The following CTNND2 variants were observed in gnomAD, a reference collection of about 807,000 sequenced individuals.
The protein encoded by CTNND2 is catenin delta-2.
A neutral mutation model predicts 144.4 loss-of-function variants in CTNND2; 22 were observed. The ratio of observed to expected loss-of-function variants is 0.15; its 90% CI spans 0.11 to 0.22. The LOEUF is 0.22. Ranked by LOEUF, CTNND2 falls within the 10% of genes least tolerant of loss-of-function variation. The pLI, the probability that CTNND2 is intolerant of heterozygous loss-of-function variation, is 1.00. For synonymous variants in CTNND2, 751 were observed against 695.6 expected, an observed-to-expected ratio of 1.08 and a Z score of -1.25; for missense variants, 1,353 against 1,618.8, an observed-to-expected ratio of 0.84 and a Z score of 2.82.
chr5:11,586,260 C>T (rs73051994), intron 2 of CTNND2, among the ~76,000 whole-genome samples: 1,757 of 152,232 alleles, frequency 0.012, 43 homozygotes, highest in African/African-American at 0.04. Flanking sequence ...TCCTTGGCCA[C>T]GACACCAGCA....
intron 1 of CTNND2, among the ~76,000 whole-genome samples, chr5:11,886,270 C>G (rs1736524737): frequency 6.6e-6 from 1 of 151,866 alleles, no homozygotes; most frequent in Non-Finnish European, 1.5e-5. Context: ...TTTTGCTAGA[C>G]TAAACAAGAT....
intron 1 of CTNND2, among the ~76,000 whole-genome samples, chr5:11,738,849 A>G (rs1561749146): frequency 1.3e-5 from 2 of 151,924 alleles, no homozygotes; most frequent in African/African-American, 2.4e-5. Flanking sequence ...TCCCCTCTCT[A>G]TAAGCCATGA....
At chr5:11,141,030 A>G (rs553701989) in intron 12 of CTNND2, among the ~76,000 whole-genome samples, 232 of 152,166 alleles carry the variant, frequency 1.5e-3, no homozygotes, top group African/African-American at 5.3e-3. Context: ...TCAGGGCTCA[A>G]TGCAGCCTCT....
intron 1 of CTNND2, among the ~76,000 whole-genome samples, chr5:11,839,873 C>T (rs1304225948): frequency 1.3e-5 from 2 of 152,080 alleles, no homozygotes; most frequent in African/African-American, 4.8e-5. Context: ...CTGCTGCATC[C>T]TATTTGCTAG....
intron 3 of CTNND2, among the ~76,000 whole-genome samples, chr5:11,420,574 G>T (rs1762287818): frequency 6.6e-6 from 1 of 152,146 alleles, no homozygotes; most frequent in East Asian, 1.9e-4. Flanking sequence ...ACTGAGCTCG[G>T]CTTTAGGCCG....
intron 16 of CTNND2, among the ~76,000 whole-genome samples, chr5:11,059,000 C>A (rs978780588): frequency 6.6e-5 from 10 of 152,188 alleles, no homozygotes; most frequent in Admixed American, 1.3e-4. Context: ...CCCATTGTAT[C>A]TAGGAAGTAA....
intron 1 of CTNND2, among the ~76,000 whole-genome samples, chr5:11,834,632 A>T (rs1382673096): frequency 6.6e-6 from 1 of 152,244 alleles, no homozygotes; most frequent in Non-Finnish European, 1.5e-5. Flanking sequence ...CTGAATACAC[A>T]AACACCTATA....
At chr5:11,865,571 G>A (rs1423636754) in intron 1 of CTNND2, among the ~76,000 whole-genome samples, 2 of 152,088 alleles carry the variant, frequency 1.3e-5, no homozygotes, top group Non-Finnish European at 2.9e-5. Flanking sequence ...TTCTAAGTTG[G>A]ATCAGTGTGG....
At chr5:11,736,395 G>A (rs1477943866) in intron 1 of CTNND2, among the ~76,000 whole-genome samples, 1 of 152,192 alleles carries the variant, frequency 6.6e-6, no homozygotes, top group African/African-American at 2.4e-5. Flanking sequence ...CCACCGTACA[G>A]AGCTACCGCT....
intron 11 of CTNND2, among the ~76,000 whole-genome samples, chr5:11,174,203 A>T (rs921707528): frequency 2.6e-5 from 4 of 152,200 alleles, no homozygotes; most frequent in African/African-American, 9.7e-5. Context: ...CCAATCAGAC[A>T]TCACTATCAA....
chr5:11,475,935 T>C (rs1767688467), intron 3 of CTNND2, among the ~76,000 whole-genome samples: 1 of 152,114 alleles, frequency 6.6e-6, no homozygotes, highest in Admixed American at 6.6e-5. Context: ...CATGGCTCAC[T>C]GCAGCCTTGA....
chr5:11,508,349 G>A (rs1009538294), intron 3 of CTNND2: 7 of 152,258 alleles, frequency 4.6e-5, no homozygotes, highest in Admixed American at 3.3e-4. Context: ...TTCTGATGAT[G>A]CTCTGCTAAG....
At chr5:11,881,340 T>C (rs1430326661) in intron 1 of CTNND2, among the ~76,000 whole-genome samples, 3 of 152,046 alleles carry the variant, frequency 2.0e-5, no homozygotes, top group Non-Finnish European at 4.4e-5. Flanking sequence ...TTGCTAACTA[T>C]AGTCACCCTA....
chr5:11,869,930 C>A (rs1041863273), intron 1 of CTNND2, among the ~76,000 whole-genome samples: 1 of 152,038 alleles, frequency 6.6e-6, no homozygotes, highest in Non-Finnish European at 1.5e-5. Flanking sequence ...CCTGACACAA[C>A]CGTAATTGGT....
chr5:11,861,898 G>A (rs1320401456), intron 1 of CTNND2, among the ~76,000 whole-genome samples: 1 of 152,108 alleles, frequency 6.6e-6, no homozygotes, highest in African/African-American at 2.4e-5. Context: ...GTATCTACAA[G>A]GCTCCCATCC....
chr5:11,847,343 C>G lies in CTNND2; in HGVS notation c.37+56474G>C, dbSNP rs573842914. Among the ~76,000 whole-genome samples, 4 of 151,700 alleles carry G rather than the reference C, an allele frequency of 2.6e-5. No individual in the cohort carries two copies. In the South Asian group the frequency reaches 8.3e-4, roughly 32 times the overall value. ...TGAAATCCTGTTATTTGCAGCAACA[C>G]AGATGAGGACATTATGTTAAGTGAA... On this transcript the variant is annotated intron_variant, in intron 1 of 21. Coordinates refer to ENST00000304623, the MANE Select transcript of CTNND2 (RefSeq NM_001332.4).
chr5:11,504,922 T>C (rs1770876553), intron 3 of CTNND2, among the ~76,000 whole-genome samples: 1 of 152,096 alleles, frequency 6.6e-6, no homozygotes, highest in African/African-American at 2.4e-5. Context: ...CCTGAGAACC[T>C]GGTAAGCCTC....
intron 2 of CTNND2, among the ~76,000 whole-genome samples, chr5:11,730,386 A>G (rs1333555443): frequency 6.6e-6 from 1 of 152,212 alleles, no homozygotes; most frequent in Non-Finnish European, 1.5e-5. Context: ...TTATGACAAC[A>G]CCACGTAAGC....
At chr5:11,072,722 T>G (rs184525508) in intron 16 of CTNND2, among the ~76,000 whole-genome samples, 6 of 152,362 alleles carry the variant, frequency 3.9e-5, no homozygotes, top group Admixed American at 2.0e-4. Context: ...GCAGAATCTG[T>G]GGTTGCTGCT....
Sources: allele counts gnomAD v4.1 joint callset (sites outside exome capture counted in the v4.1 genomes callset), GRCh38; gene constraint gnomAD v4.1.1; transcripts MANE v1.5; gene names NCBI Gene and HGNC (gene_info 2026-07-23, HGNC 2026-07-21).